Variants in NALF1 observed in about 807,000 individuals in gnomAD.
The protein encoded by NALF1 is NALCN channel auxiliary factor 1, also known as family with sequence similarity 155 member A.
NALF1 carries 3 observed loss-of-function variants against 48.4 expected under a neutral mutation model. The observed-to-expected ratio is 0.06, with a 90% CI of 0.03 to 0.16. The LOEUF is 0.16. NALF1 is among the 10% of genes least tolerant of loss of function. The pLI, the probability that NALF1 is intolerant of heterozygous loss-of-function variation, is 1.00. For synonymous variants in NALF1, 262 were observed against 245.7 expected, an observed-to-expected ratio of 1.07 and a Z score of -0.62; for missense variants, 526 against 571.5, an observed-to-expected ratio of 0.92 and a Z score of 0.81.
chr13:107,167,616 A>G lies in NALF1; in HGVS notation c.*2881T>C, dbSNP rs1878689403. On this transcript the variant is annotated 3_prime_UTR_variant, in exon 3 of 3. Coordinates refer to ENST00000375915, the MANE Select transcript of NALF1 (RefSeq NM_001080396.3). Reference sequence around the variant, plus strand: ...AAAGAAAATATTCCGCCAGAATTAGAGACTATTCCAATGCTGGCTGACTTG... The same window carrying G: ...AAAGAAAATATTCCGCCAGAATTAGGGACTATTCCAATGCTGGCTGACTTG... 6.6e-6 allele frequency: 1 copy of G among 152,224 alleles called. No individual in the cohort carries two copies. Among genetic ancestry groups the G allele is most frequent in the Non-Finnish European group, 1.5e-5 (1 of 68,050 alleles). 9.4% of individuals were successfully genotyped at this position (152,224 alleles called of 1,614,324 possible). A position where few individuals can be genotyped will look rare whatever the true frequency, so the allele number is the denominator to read the frequency against.
chr13:107,850,078 C>T (rs1287244572), intron 1 of NALF1, among the ~76,000 whole-genome samples: 1 of 152,042 alleles, frequency 6.6e-6, no homozygotes, highest in Non-Finnish European at 1.5e-5. Flanking sequence ...GTTAAAATGC[C>T]TTAGTTAAGA....
intron 1 of NALF1, among the ~76,000 whole-genome samples, chr13:107,858,005 A>G (rs1248502018): frequency 6.6e-6 from 1 of 152,206 alleles, no homozygotes; most frequent in Non-Finnish European, 1.5e-5. Flanking sequence ...GTTTATTTCC[A>G]TCCCACCAAA....
intron 1 of NALF1, among the ~76,000 whole-genome samples, chr13:107,817,324 T>C (rs1341987892): frequency 6.6e-6 from 1 of 152,198 alleles, no homozygotes; most frequent in Non-Finnish European, 1.5e-5. Context: ...ACAATGCATA[T>C]AGGTGTGGTG....
chr13:107,282,269 G>A (rs9587341), intron 1 of NALF1, among the ~76,000 whole-genome samples: 5,313 of 152,272 alleles, frequency 0.035, 103 homozygotes, highest in Middle Eastern at 0.061. Context: ...AAATAATAGC[G>A]TGAATAATAG....
At chr13:107,698,437 T>C (rs1207218848) in intron 1 of NALF1, among the ~76,000 whole-genome samples, 2 of 152,134 alleles carry the variant, frequency 1.3e-5, no homozygotes, top group Non-Finnish European at 2.9e-5. Flanking sequence ...CTGTTCACCA[T>C]AGTACTAACT....
At chr13:107,563,417 C>G (rs1191417657) in intron 1 of NALF1, among the ~76,000 whole-genome samples, 1 of 152,206 alleles carries the variant, frequency 6.6e-6, no homozygotes, top group Non-Finnish European at 1.5e-5. Context: ...GGCAGCATCT[C>G]AGCCCCCAAC....
intron 1 of NALF1, among the ~76,000 whole-genome samples, chr13:107,858,832 C>A (rs1880499553): frequency 6.6e-6 from 1 of 152,172 alleles, no homozygotes; most frequent in South Asian, 2.1e-4. Flanking sequence ...TAGTTTCTGA[C>A]ATCTAATAAA....
At chr13:107,415,057 A>T (rs1314621669) in intron 1 of NALF1, among the ~76,000 whole-genome samples, 1 of 152,200 alleles carries the variant, frequency 6.6e-6, no homozygotes, top group Non-Finnish European at 1.5e-5. Flanking sequence ...AATCAACATT[A>T]AGCAAAATAA....
chr13:107,701,408 C>T (rs899986395), intron 1 of NALF1, among the ~76,000 whole-genome samples: 1 of 151,942 alleles, frequency 6.6e-6, no homozygotes, highest in Non-Finnish European at 1.5e-5. Flanking sequence ...AGCCAGATAT[C>T]CAAAGAAAAT....
At chr13:107,394,408 G>A (rs568034747) in intron 1 of NALF1, among the ~76,000 whole-genome samples, 1 of 152,136 alleles carries the variant, frequency 6.6e-6, no homozygotes, top group South Asian at 2.1e-4. Context: ...TAGAGTATAT[G>A]TGCTGTGACT....
At chr13:107,610,865 C>T (rs1441499037) in intron 1 of NALF1, among the ~76,000 whole-genome samples, 2 of 152,056 alleles carry the variant, frequency 1.3e-5, no homozygotes, top group African/African-American at 4.8e-5. Context: ...AGTGGGGGAC[C>T]AGGGGCTGGG....
At chr13:107,520,959 A>G (rs1479221248) in intron 1 of NALF1, among the ~76,000 whole-genome samples, 1 of 152,204 alleles carries the variant, frequency 6.6e-6, no homozygotes, top group Non-Finnish European at 1.5e-5. Context: ...AGACGTACCC[A>G]GTGATCTATG....
At chr13:107,736,509 T>TA (rs1876473863) in intron 1 of NALF1, among the ~76,000 whole-genome samples, 1 of 152,166 alleles carries the variant, frequency 6.6e-6, no homozygotes, top group Non-Finnish European at 1.5e-5. Flanking sequence ...TTAAAATACT[T>TA]AGTTATGAAT....
At chr13:107,763,601 A>T (rs1566472850) in intron 1 of NALF1, among the ~76,000 whole-genome samples, 3 of 151,982 alleles carry the variant, frequency 2.0e-5, no homozygotes, top group Admixed American at 1.3e-4. Flanking sequence ...TGCTTGTCTT[A>T]TACAAACAAC....
At chr13:107,253,893 G>A (rs767935272) in intron 1 of NALF1, among the ~76,000 whole-genome samples, 19 of 152,034 alleles carry the variant, frequency 1.2e-4, no homozygotes, top group South Asian at 4.2e-4. Context: ...AGCCGTCATC[G>A]CTTAGATCAC....
At chr13:107,606,275 T>TAC (rs1800840870) in intron 1 of NALF1, among the ~76,000 whole-genome samples, 1 of 14,574 alleles carries the variant, frequency 6.9e-5, no homozygotes, top group South Asian at 5.2e-3. Flanking sequence ...CTCATATATA[T>TAC]ATATATGTGT....
chr13:107,745,267 C>A (rs1876752495), intron 1 of NALF1, among the ~76,000 whole-genome samples: 1 of 152,192 alleles, frequency 6.6e-6, no homozygotes, highest in South Asian at 2.1e-4. Context: ...GACCCTATTA[C>A]AGAAGAAAAG....
intron 1 of NALF1, among the ~76,000 whole-genome samples, chr13:107,263,249 GACACAC>G (rs34637583): frequency 0.098 from 13,542 of 138,368 alleles, 671 homozygotes; most frequent in East Asian, 0.13. Flanking sequence ...AATGCTAACA[GACACAC>G]ACACACACAC....
At chr13:107,408,819 C>T (rs1169897760) in intron 1 of NALF1, among the ~76,000 whole-genome samples, 1 of 152,034 alleles carries the variant, frequency 6.6e-6, no homozygotes, top group Non-Finnish European at 1.5e-5. Context: ...AGAGGTTTTG[C>T]TTAATCACAT....
Sources: gnomAD v4.1 joint callset for allele counts (sites outside exome capture counted in the v4.1 genomes callset) on GRCh38, gnomAD v4.1.1 for gene constraint, MANE v1.5 for transcripts, NCBI Gene and HGNC (gene_info 2026-07-23, HGNC 2026-07-21) for gene names.